HS6ST3: variants seen among roughly 807,000 people sequenced by gnomAD.
The protein encoded by HS6ST3 is heparan-sulfate 6-O-sulfotransferase 3.
In HS6ST3, 12 loss-of-function variants were observed where a neutral mutation model predicts 36.7. The observed-to-expected ratio is 0.33, with a 90% CI of 0.21 to 0.53. HS6ST3 has a LOEUF of 0.53. Ranked by LOEUF, HS6ST3 falls within the 20% of genes least tolerant of loss-of-function variation. HS6ST3 has a pLI of 0.95. For missense variants in HS6ST3, 584 were observed against 640.9 expected (o/e 0.91, Z 0.96); for synonymous variants, 240 against 257.5 (o/e 0.93, Z 0.65).
chr13:96,440,122 A>G (rs937411012), intron 1 of HS6ST3, among the ~76,000 whole-genome samples: 4 of 152,204 alleles, frequency 2.6e-5, no homozygotes, highest in African/African-American at 9.7e-5. Flanking sequence ...TGTTAAGGCT[A>G]AACTTGAAGT....
intron 1 of HS6ST3, among the ~76,000 whole-genome samples, chr13:96,194,541 A>G (rs947475909): frequency 1.3e-5 from 2 of 152,186 alleles, no homozygotes. Flanking sequence ...ATATACATCT[A>G]CATTGTGAGG....
chr13:96,675,163 A>T (rs1223112481), intron 1 of HS6ST3, among the ~76,000 whole-genome samples: 1 of 152,130 alleles, frequency 6.6e-6, no homozygotes, highest in Non-Finnish European at 1.5e-5. Flanking sequence ...ATATACATGC[A>T]CAAATACACC....
chr13:96,295,412 T>C (rs1333451022), intron 1 of HS6ST3, among the ~76,000 whole-genome samples: 2 of 152,102 alleles, frequency 1.3e-5, no homozygotes, highest in Admixed American at 6.6e-5. Flanking sequence ...GGAGAAGCCA[T>C]GTTAACATAA....
At chr13:96,404,830 A>G (rs9300353) in intron 1 of HS6ST3, among the ~76,000 whole-genome samples, 77,118 of 152,028 alleles carry the variant, frequency 0.51, 19,906 homozygotes, top group Middle Eastern at 0.6. Flanking sequence ...CCCAAATCTC[A>G]TCTTGAATTG....
chr13:96,708,283 C>T (rs1875477275), intron 1 of HS6ST3, among the ~76,000 whole-genome samples: 1 of 152,134 alleles, frequency 6.6e-6, no homozygotes, highest in Non-Finnish European at 1.5e-5. Context: ...AATGACTTTG[C>T]ATTAGGGTTT....
intron 1 of HS6ST3, among the ~76,000 whole-genome samples, chr13:96,475,800 G>A (rs1481072971): frequency 1.3e-5 from 2 of 152,098 alleles, no homozygotes; most frequent in African/African-American, 4.8e-5. Flanking sequence ...ACCATAGTAA[G>A]CCAAACAGAC....
At chr13:96,625,115 A>T (rs1480492570) in intron 1 of HS6ST3, among the ~76,000 whole-genome samples, 1 of 152,186 alleles carries the variant, frequency 6.6e-6, no homozygotes, top group East Asian at 1.9e-4. Context: ...TCCTGCATTG[A>T]TACCCACTTT....
chr13:96,402,631 T>G (rs2055457522), intron 1 of HS6ST3, among the ~76,000 whole-genome samples: 1 of 152,358 alleles, frequency 6.6e-6, no homozygotes, highest in African/African-American at 2.4e-5. Context: ...CAAAGATTTC[T>G]TCTCCCTGCT....
chr13:96,121,106 C>G (rs2053923538), intron 1 of HS6ST3, among the ~76,000 whole-genome samples: 1 of 152,174 alleles, frequency 6.6e-6, no homozygotes, highest in African/African-American at 2.4e-5. Context: ...AGTTTATTTG[C>G]ATACCTATCT....
chr13:96,157,226 C>T (rs2054114711), intron 1 of HS6ST3, among the ~76,000 whole-genome samples: 1 of 152,192 alleles, frequency 6.6e-6, no homozygotes, highest in Admixed American at 6.5e-5. Context: ...GCTCTGGTTT[C>T]TCCAGTTTTC....
chr13:96,670,215 C>T (rs1475250013), intron 1 of HS6ST3, among the ~76,000 whole-genome samples: 1 of 152,072 alleles, frequency 6.6e-6, no homozygotes, highest in African/African-American at 2.4e-5. Flanking sequence ...ATGGGAGTGG[C>T]TAGCTGTGTT....
chr13:96,527,074 A>T (rs2056117039), intron 1 of HS6ST3, among the ~76,000 whole-genome samples: 2 of 137,258 alleles, frequency 1.5e-5, no homozygotes, highest in Non-Finnish European at 3.2e-5. Context: ...GTAAAATTAT[A>T]TATTGGTTCA....
At chr13:96,819,059 C>A (rs1878478707) in intron 1 of HS6ST3, among the ~76,000 whole-genome samples, 1 of 152,222 alleles carries the variant, frequency 6.6e-6, no homozygotes, top group Non-Finnish European at 1.5e-5. Flanking sequence ...TGTAAGAAAG[C>A]AACCCACTAT....
chr13:96,445,156 C>G (rs1030072708), intron 1 of HS6ST3, among the ~76,000 whole-genome samples: 8 of 152,106 alleles, frequency 5.3e-5, no homozygotes, highest in Admixed American at 2.6e-4. Flanking sequence ...AATAATAGGT[C>G]AAACCTATTA....
At chr13:96,116,601 A>C (rs1305485667) in intron 1 of HS6ST3, among the ~76,000 whole-genome samples, 6 of 152,224 alleles carry the variant, frequency 3.9e-5, no homozygotes, top group Admixed American at 3.9e-4. Flanking sequence ...CATGAATTCT[A>C]AGCAATCAGG....
rs1566456797 is a variant in HS6ST3 at position 96,799,968 on chromosome 13, A to ATATATATATATATG, written c.708-32508_708-32495dup. Among the ~76,000 whole-genome samples the ATATATATATATATG allele has an allele frequency of 1.2e-3, 85 of 69,532 alleles. 3 individuals carry two copies. Among genetic ancestry groups the ATATATATATATATG allele is most frequent in the African/African-American group, 6.2e-3 (76 of 12,282 alleles). The allele number at this position is 69,532 out of a possible 152,430, so 45.6% of individuals were successfully genotyped here. ...TGTATATATATATATATATATGTGT[A>ATATATATATATATG]TATATATATATATGTATATATATAT... On this transcript the variant is annotated intron_variant, in intron 1 of 1. Transcript: ENST00000376705.
At chr13:96,806,266 T>A (rs1878195609) in intron 1 of HS6ST3, among the ~76,000 whole-genome samples, 2 of 152,194 alleles carry the variant, frequency 1.3e-5, no homozygotes, top group South Asian at 4.1e-4. Context: ...TAATGTATAA[T>A]CAAAGATCGA....
chr13:96,475,135 C>G (rs1323036822), intron 1 of HS6ST3, among the ~76,000 whole-genome samples: 1 of 151,970 alleles, frequency 6.6e-6, no homozygotes, highest in African/African-American at 2.4e-5. Flanking sequence ...AATTCCTGCT[C>G]TGATTCCCCA....
At chr13:96,181,562 G>T (rs1037014667) in intron 1 of HS6ST3, among the ~76,000 whole-genome samples, 5 of 152,156 alleles carry the variant, frequency 3.3e-5, no homozygotes, top group Non-Finnish European at 5.9e-5. Context: ...TGGCCTGGTG[G>T]AGTTGCAGAT....
Sources: gnomAD v4.1 joint callset for allele counts (sites outside exome capture counted in the v4.1 genomes callset) on GRCh38, gnomAD v4.1.1 for gene constraint, MANE v1.5 for transcripts, NCBI Gene and HGNC (gene_info 2026-07-23, HGNC 2026-07-21) for gene names.